TPRG1: variants seen among roughly 807,000 people sequenced by gnomAD.
TPRG1 encodes the protein tumor protein p63-regulated gene 1 protein.
A neutral mutation model predicts 29.3 loss-of-function variants in TPRG1; 29 were observed. The observed-to-expected ratio is 0.99, with a 90% CI of 0.74 to 1.35. TPRG1 has a LOEUF of 1.35. TPRG1 is among the 40% of genes most tolerant of loss of function. The pLI is 0.00. For missense variants in TPRG1, 327 were observed against 335.0 expected, an observed-to-expected ratio of 0.98 and a Z score of 0.19; for synonymous variants, 130 against 116.8, an observed-to-expected ratio of 1.11 and a Z score of -0.73.
At chr3:189,149,466 T>C (rs1310068658) in intron 4 of TPRG1, among the ~76,000 whole-genome samples, 1 of 152,188 alleles carries the variant, frequency 6.6e-6, no homozygotes, top group Non-Finnish European at 1.5e-5. Context: ...GACTTTCTGT[T>C]CTGTGAAGAC....
At chr3:189,256,380 T>C (rs555160640) in intron 4 of TPRG1, among the ~76,000 whole-genome samples, 1 of 151,768 alleles carries the variant, frequency 6.6e-6, no homozygotes, top group East Asian at 1.9e-4. Flanking sequence ...CTGACTGTTA[T>C]GATTTCCGCT....
chr3:189,040,040 A>G (rs147292077), intron 4 of TPRG1, among the ~76,000 whole-genome samples: 9 of 152,138 alleles, frequency 5.9e-5, no homozygotes, highest in Non-Finnish European at 1.2e-4. Context: ...TAAGGGAGTT[A>G]TGTAAGCTCT....
intron 5 of TPRG1, among the ~76,000 whole-genome samples, chr3:189,154,439 G>A (rs915036667): frequency 3.6e-4 from 51 of 143,500 alleles, no homozygotes; most frequent in African/African-American, 1.2e-3. Context: ...GCCTCATGCA[G>A]TGTACATTTT....
chr3:189,215,284 C>T lies in TPRG1; in HGVS notation c.211-8C>T, dbSNP rs767320341. 3.7e-6 allele frequency: 6 copies of T among 1,607,260 alleles called. No individual in the cohort carries two copies. The Admixed American group carries it at 6.9e-5, about 18-fold the overall frequency. ...CTCTAAACTAGGTATTTTCTCCTTTCCACACAGCCGGGGGCCATTGAGACT... is the reference window on the plus strand; with the variant it reads ...CTCTAAACTAGGTATTTTCTCCTTTTCACACAGCCGGGGGCCATTGAGACT... On this transcript the variant is annotated splice_region_variant and splice_polypyrimidine_tract_variant and intron_variant, in intron 2 of 5. Transcript: ENST00000345063.
At chr3:189,255,303 G>A (rs1711642740) in intron 4 of TPRG1, among the ~76,000 whole-genome samples, 1 of 152,046 alleles carries the variant, frequency 6.6e-6, no homozygotes, top group Admixed American at 6.6e-5. Flanking sequence ...GTCACTGGTT[G>A]TGCTTATGTA....
At chr3:189,226,187 C>T (rs1437410874) in intron 3 of TPRG1, among the ~76,000 whole-genome samples, 1 of 152,172 alleles carries the variant, frequency 6.6e-6, no homozygotes, top group Non-Finnish European at 1.5e-5. Flanking sequence ...CATTCAATAA[C>T]AGCAGAATGC....
intron 4 of TPRG1, among the ~76,000 whole-genome samples, chr3:189,270,073 A>G (rs1384975267): frequency 6.7e-6 from 1 of 149,040 alleles, no homozygotes; most frequent in East Asian, 1.9e-4. Context: ...TTGTCTGTAG[A>G]GTAACGAGAG....
intron 4 of TPRG1, among the ~76,000 whole-genome samples, chr3:189,035,238 G>A (rs537895649): frequency 4.6e-5 from 7 of 152,034 alleles, no homozygotes; most frequent in Admixed American, 2.0e-4. Context: ...AGTCATATGC[G>A]GAAGATTGAA....
intron 1 of TPRG1, among the ~76,000 whole-genome samples, chr3:189,205,751 A>G (rs1435023416): frequency 6.6e-6 from 1 of 152,224 alleles, no homozygotes; most frequent in Non-Finnish European, 1.5e-5. Flanking sequence ...GGCTAAGCTA[A>G]CATGTGTCTT....
At chr3:189,200,719 T>G (rs1229608909) in intron 1 of TPRG1, among the ~76,000 whole-genome samples, 1 of 152,238 alleles carries the variant, frequency 6.6e-6, no homozygotes, top group Non-Finnish European at 1.5e-5. Flanking sequence ...TACCGTAATT[T>G]CATTCTTTAT....
At chr3:189,140,913 G>T (rs774590502) in intron 3 of TPRG1, among the ~76,000 whole-genome samples, 2 of 152,016 alleles carry the variant, frequency 1.3e-5, no homozygotes, top group Non-Finnish European at 2.9e-5. Context: ...GCTGAGTGCC[G>T]TGTTTGCAGC....
intron 4 of TPRG1, among the ~76,000 whole-genome samples, chr3:189,303,579 A>G (rs376763530): frequency 6.6e-6 from 1 of 152,300 alleles, no homozygotes; most frequent in East Asian, 1.9e-4. Context: ...CTACCATAAC[A>G]TGTAACACTC....
intron 4 of TPRG1, among the ~76,000 whole-genome samples, chr3:189,261,752 G>A (rs1713099336): frequency 6.6e-6 from 1 of 152,172 alleles, no homozygotes; most frequent in Non-Finnish European, 1.5e-5. Flanking sequence ...GGAGATATGG[G>A]AAGGTCTTAG....
intron 4 of TPRG1, among the ~76,000 whole-genome samples, chr3:189,076,517 C>T (rs1717180625): frequency 6.6e-6 from 1 of 151,476 alleles, no homozygotes; most frequent in South Asian, 2.1e-4. Flanking sequence ...TGTGTATTAT[C>T]TGTCACTGAG....
In TPRG1 at chr3:189,322,771, T is replaced by C. The variant is rs1724428199; in HGVS notation, c.*1951T>C. 1 of 152,148 alleles carries C rather than the reference T, an allele frequency of 6.6e-6. No homozygotes were observed. Among genetic ancestry groups the C allele is most frequent in the African/African-American group, 2.4e-5 (1 of 41,390 alleles). 9.4% of individuals were successfully genotyped at this position (152,148 alleles called of 1,614,324 possible). On this transcript the variant is annotated 3_prime_UTR_variant, in exon 6 of 6. Coordinates refer to ENST00000345063, the MANE Select transcript of TPRG1 (RefSeq NM_198485.4). ...GCCAGACTGTTCCCAAATGACCTTC[T>C]AAAGGACACAGTGCACCATCATCAA...
chr3:189,026,236 G>A (rs1014662240), intron 4 of TPRG1, among the ~76,000 whole-genome samples: 2 of 152,104 alleles, frequency 1.3e-5, no homozygotes, highest in African/African-American at 4.8e-5. Flanking sequence ...GTCCTCATGT[G>A]GTCTTTTCTC....
intron 3 of TPRG1, among the ~76,000 whole-genome samples, chr3:189,235,576 G>C (rs78207250): frequency 6.6e-6 from 1 of 152,060 alleles, no homozygotes; most frequent in Non-Finnish European, 1.5e-5. Flanking sequence ...GGACAAGGGC[G>C]GAAAAAGACA....
At chr3:189,265,092 A>G (rs1462526721) in intron 4 of TPRG1, among the ~76,000 whole-genome samples, 4 of 152,238 alleles carry the variant, frequency 2.6e-5, no homozygotes, top group Non-Finnish European at 5.9e-5. Context: ...TTGAATTTTG[A>G]CATTCATGAA....
At chr3:189,211,765 A>C (rs976936666) in intron 2 of TPRG1, 26 of 152,182 alleles carry the variant, frequency 1.7e-4, no homozygotes, top group African/African-American at 5.6e-4. Context: ...GAACTAGAAG[A>C]CAGGCCTGGA....
Sources: gnomAD v4.1 joint callset for allele counts (sites outside exome capture counted in the v4.1 genomes callset) on GRCh38, gnomAD v4.1.1 for gene constraint, MANE v1.5 for transcripts, NCBI Gene and HGNC (gene_info 2026-07-23, HGNC 2026-07-21) for gene names.